The following COL10A1 variants were observed in gnomAD, a reference collection of about 807,000 sequenced individuals.
COL10A1 encodes the protein collagen alpha-1(X) chain.
COL10A1 carries 10 observed loss-of-function variants against 18.2 expected under a neutral mutation model. The observed-to-expected ratio is 0.55, with a 90% CI of 0.34 to 0.93. The LOEUF (loss-of-function observed/expected upper bound fraction) is 0.93, where lower values mean the gene tolerates loss of function less well. Among genes scored for constraint, COL10A1 ranks in the 40% least tolerant of loss-of-function variants. The pLI is 0.02. For synonymous variants in COL10A1, 330 were observed against 316.6 expected (o/e 1.04, Z -0.45); for missense variants, 897 against 853.5 (o/e 1.05, Z -0.64).
chr6:116,175,913 ATTGATTAAC>A, the COL10A1 span, among the ~76,000 whole-genome samples: 3 of 151,892 alleles, frequency 2.0e-5, no homozygotes, highest in African/African-American at 4.8e-5. Context: ...GTCTGTGTCT[ATTGATTAAC>A]TTGTCTTTTA....
chr6:116,193,315 T>C, the COL10A1 span, among the ~76,000 whole-genome samples: 1 of 152,146 alleles, frequency 6.6e-6, no homozygotes, highest in South Asian at 2.1e-4. Context: ...ACAAAACCTA[T>C]AAATAAAAAA....
At chr6:116,159,276 C>A (rs899711767), upstream of COL10A1, among the ~76,000 whole-genome samples, 2 of 151,974 alleles carry the variant, frequency 1.3e-5, no homozygotes, top group African/African-American at 4.8e-5. Context: ...GAGGTTTATT[C>A]TTATCAAAAA....
chr6:116,204,544 T>G, the COL10A1 span, among the ~76,000 whole-genome samples: 1 of 151,930 alleles, frequency 6.6e-6, no homozygotes, highest in Admixed American at 6.6e-5. Flanking sequence ...CCCCAACAAT[T>G]CTGAAAGCAA....
chr6:116,179,525 A>G, the COL10A1 span, among the ~76,000 whole-genome samples: 2 of 152,200 alleles, frequency 1.3e-5, no homozygotes, highest in Non-Finnish European at 1.5e-5. Context: ...CCCAACAAAC[A>G]TATGACAAAA....
chr6:116,122,397 T>C (rs183759225), intron 2 of COL10A1, among the ~76,000 whole-genome samples: 3 of 152,318 alleles, frequency 2.0e-5, no homozygotes, highest in Admixed American at 2.0e-4. Flanking sequence ...GAAACAGAAT[T>C]AATTCTGATT....
the COL10A1 span, among the ~76,000 whole-genome samples, chr6:116,209,506 A>G: frequency 6.6e-6 from 1 of 152,040 alleles, no homozygotes; most frequent in Non-Finnish European, 1.5e-5. Context: ...TATGCTTATT[A>G]CAAGTGTTGA....
chr6:116,130,051 A>G (rs1779422798), upstream of COL10A1, among the ~76,000 whole-genome samples: 1 of 152,122 alleles, frequency 6.6e-6, no homozygotes, highest in Non-Finnish European at 1.5e-5. Context: ...GACATTGGTA[A>G]TTGCCTACAG....
At chr6:116,179,439 G>A in the COL10A1 span, among the ~76,000 whole-genome samples, 1 of 151,692 alleles carries the variant, frequency 6.6e-6, no homozygotes, top group Non-Finnish European at 1.5e-5. Flanking sequence ...AAACAAATCA[G>A]CAGAAAAAAA....
chr6:116,167,531 C>T, the COL10A1 span, among the ~76,000 whole-genome samples: 1 of 151,846 alleles, frequency 6.6e-6, no homozygotes, highest in African/African-American at 2.4e-5. Flanking sequence ...CTTTCTAAGG[C>T]AAAAAATATG....
At chr6:116,138,049 G>A (rs1249130974) in intron 1 of COL10A1, among the ~76,000 whole-genome samples, 2 of 152,140 alleles carry the variant, frequency 1.3e-5, no homozygotes, top group African/African-American at 2.4e-5. Context: ...CTGCACTCCC[G>A]CCTGGGTGAC....
At chr6:116,203,896 T>C in the COL10A1 span, among the ~76,000 whole-genome samples, 1 of 151,974 alleles carries the variant, frequency 6.6e-6, no homozygotes, top group Non-Finnish European at 1.5e-5. Context: ...TTTTTGCCAC[T>C]TGATATCTAT....
At chr6:116,172,228 A>G in the COL10A1 span, among the ~76,000 whole-genome samples, 1 of 151,980 alleles carries the variant, frequency 6.6e-6, no homozygotes, top group Non-Finnish European at 1.5e-5. Context: ...ATAGTATATA[A>G]TAAGTGGTTT....
chr6:116,145,670 G>A (rs1779881036), intron 1 of COL10A1, among the ~76,000 whole-genome samples: 1 of 151,970 alleles, frequency 6.6e-6, no homozygotes, highest in South Asian at 2.1e-4. Flanking sequence ...TATCCCCAGT[G>A]ATCTGAAAAT....
the COL10A1 span, among the ~76,000 whole-genome samples, chr6:116,210,849 A>G: frequency 6.6e-6 from 1 of 152,062 alleles, no homozygotes; most frequent in South Asian, 2.1e-4. Flanking sequence ...ACAGAGTTAG[A>G]TATGAACAGA....
At chr6:116,135,852 TA>T (rs1779581628) in intron 1 of COL10A1, among the ~76,000 whole-genome samples, 1 of 115,676 alleles carries the variant, frequency 8.6e-6, no homozygotes. Context: ...TATATATATA[TA>T]TATATATATA....
the COL10A1 span, among the ~76,000 whole-genome samples, chr6:116,168,188 T>G: frequency 6.6e-6 from 1 of 151,810 alleles, no homozygotes. Context: ...TCTAAAAATA[T>G]TGTTCTGCTC....
At chr6:116,145,410 AC>A (rs1779873018) in intron 1 of COL10A1, 1 of 341,808 alleles carries the variant, frequency 2.9e-6, no homozygotes, top group Non-Finnish European at 6.5e-6. Context: ...AAAATGCAAA[AC>A]TTTTTCTGTT....
chr6:116,159,181 T>A (rs1011275394), upstream of COL10A1, among the ~76,000 whole-genome samples: 2 of 152,210 alleles, frequency 1.3e-5, no homozygotes, highest in African/African-American at 2.4e-5. Context: ...TTGGTTTTTT[T>A]AAATATACAA....
At chr6:116,174,234 G>A in the COL10A1 span, among the ~76,000 whole-genome samples, 5 of 152,082 alleles carry the variant, frequency 3.3e-5, no homozygotes, top group African/African-American at 1.2e-4. Context: ...TGCATACTCC[G>A]TTTTTTGAAA....
Sources: gnomAD v4.1 joint callset for allele counts (sites outside exome capture counted in the v4.1 genomes callset) on GRCh38, gnomAD v4.1.1 for gene constraint, MANE v1.5 for transcripts, NCBI Gene and HGNC (gene_info 2026-07-23, HGNC 2026-07-21) for gene names.